TP63: variants seen among roughly 807,000 people sequenced by gnomAD.
TP63 encodes tumor protein p63.
A neutral mutation model predicts 82.8 loss-of-function variants in TP63; 17 were observed. The observed-to-expected ratio is 0.21, with a 90% confidence interval of 0.14 to 0.31. The LOEUF (loss-of-function observed/expected upper bound fraction) is 0.31. Among genes scored for constraint, TP63 ranks in the 10% least tolerant of loss-of-function variants. The pLI, the probability that TP63 is intolerant of heterozygous loss-of-function variation, is 1.00. For missense variants in TP63, 648 were observed against 895.3 expected, an observed-to-expected ratio of 0.72 and a Z score of 3.52; for synonymous variants, 330 against 321.7, an observed-to-expected ratio of 1.03 and a Z score of -0.28.
intron 4 of TP63, among the ~76,000 whole-genome samples, chr3:189,815,127 T>C (rs1232536354): frequency 6.6e-6 from 1 of 152,162 alleles, no homozygotes; most frequent in Non-Finnish European, 1.5e-5. Flanking sequence ...TCATTTATGT[T>C]ATTATTGTTA....
intron 4 of TP63, among the ~76,000 whole-genome samples, chr3:189,840,362 T>A (rs1334425095): frequency 1.1e-5 from 1 of 92,954 alleles, no homozygotes; most frequent in Non-Finnish European, 2.2e-5. Context: ...TTTTCGTCTT[T>A]TTTTTTTTTT....
intron 3 of TP63, among the ~76,000 whole-genome samples, chr3:189,773,025 A>G (rs1723493147): frequency 6.6e-6 from 1 of 152,196 alleles, no homozygotes; most frequent in Admixed American, 6.5e-5. Flanking sequence ...TCCATAATCA[A>G]TAAATCAGCG....
intron 10 of TP63, among the ~76,000 whole-genome samples, chr3:189,876,613 G>A (rs2108830870): frequency 6.6e-6 from 1 of 152,194 alleles, no homozygotes; most frequent in East Asian, 1.9e-4. Flanking sequence ...CTAACAGACT[G>A]CAAAATTAAA....
At chr3:189,757,874 GA>G (rs916774720) in intron 3 of TP63, among the ~76,000 whole-genome samples, 2 of 151,786 alleles carry the variant, frequency 1.3e-5, no homozygotes, top group African/African-American at 4.8e-5. Context: ...CCGATAGATA[GA>G]AAAAAAACCT....
intron 4 of TP63, among the ~76,000 whole-genome samples, chr3:189,835,207 G>A (rs557698945): frequency 1.3e-5 from 2 of 152,174 alleles, no homozygotes; most frequent in East Asian, 1.9e-4. Flanking sequence ...ACTAGATGGA[G>A]GGTCTAGTTA....
chr3:189,817,397 C>T (rs1728304956), intron 4 of TP63, among the ~76,000 whole-genome samples: 1 of 152,082 alleles, frequency 6.6e-6, no homozygotes, highest in Non-Finnish European at 1.5e-5. Flanking sequence ...AGAAGGACAA[C>T]TTTGGGGTAC....
chr3:189,738,987 T>G, intron 3 of TP63: 1 of 638,440 alleles, frequency 1.6e-6, no homozygotes, highest in East Asian at 2.9e-5. Context: ...TTTCCATCCG[T>G]GTGGGGAGGG....
intron 1 of TP63, among the ~76,000 whole-genome samples, chr3:189,704,135 A>G (rs1167501357): frequency 1.3e-5 from 2 of 152,218 alleles, no homozygotes. Context: ...CCTGCGCAAT[A>G]GGCTAGATGA....
intron 12 of TP63, 22 bp downstream of exon 12, chr3:189,889,506 C>T (rs1211169032): frequency 6.2e-7 from 1 of 1,614,180 alleles, no homozygotes; most frequent in South Asian, 1.1e-5. Context: ...GCATGTGCCC[C>T]TGGGGGCCTG....
At chr3:189,612,916 C>T in the TP63 span, among the ~76,000 whole-genome samples, 1 of 152,142 alleles carries the variant, frequency 6.6e-6, no homozygotes, top group African/African-American at 2.4e-5. Context: ...GGGTATTTGG[C>T]AGAAGAAATT....
intron 1 of TP63, among the ~76,000 whole-genome samples, chr3:189,717,165 C>T (rs184759203): frequency 5.3e-5 from 8 of 152,208 alleles, no homozygotes; most frequent in Middle Eastern, 3.4e-3. Flanking sequence ...TACACGTATA[C>T]GAACTAAACA....
At chr3:189,873,023 A>C in intron 10 of TP63, 28 bp downstream of exon 10, 1 of 1,614,100 alleles carries the variant, frequency 6.2e-7, no homozygotes. Flanking sequence ...TCATTTTAGG[A>C]GGCATGAGTG....
At chr3:189,819,400 T>C (rs930358251) in intron 4 of TP63, among the ~76,000 whole-genome samples, 8 of 152,150 alleles carry the variant, frequency 5.3e-5, no homozygotes, top group Admixed American at 4.6e-4. Context: ...CCCATTAACT[T>C]GTCATTTAGC....
At chr3:189,675,208 C>G (rs1715283201) in intron 1 of TP63, among the ~76,000 whole-genome samples, 1 of 152,078 alleles carries the variant, frequency 6.6e-6, no homozygotes, top group Admixed American at 6.6e-5. Context: ...CATGAGAGCT[C>G]TGCCTTCATT....
At chr3:189,869,244 TTTAA>T (rs1174558167) in intron 8 of TP63, 76 bp from the exon 9 acceptor site, 1 of 1,038,174 alleles carries the variant, frequency 9.6e-7, no homozygotes, top group Non-Finnish European at 1.5e-6. Context: ...AACATTAATA[TTTAA>T]TTATTAAGTA....
At chr3:189,738,388 C>T (rs1279694644) in intron 2 of TP63, among the ~76,000 whole-genome samples, 1 of 152,178 alleles carries the variant, frequency 6.6e-6, no homozygotes, top group Non-Finnish European at 1.5e-5. Context: ...TTATTTCCTG[C>T]ATCCTACCCA....
At chr3:189,706,909 A>G (rs1718245394) in intron 1 of TP63, among the ~76,000 whole-genome samples, 1 of 151,970 alleles carries the variant, frequency 6.6e-6, no homozygotes, top group Admixed American at 6.5e-5. Flanking sequence ...AATCTTCAGC[A>G]TTTTATACAA....
chr3:189,793,539 A>G (rs186378013), intron 3 of TP63, among the ~76,000 whole-genome samples: 150 of 152,206 alleles, frequency 9.9e-4, no homozygotes, highest in African/African-American at 3.5e-3. Context: ...GATTTGGATC[A>G]AACAGTTGAG....
chr3:189,697,283 G>T (rs1577259010), intron 1 of TP63, among the ~76,000 whole-genome samples: 11 of 101,150 alleles, frequency 1.1e-4, no homozygotes, highest in South Asian at 3.0e-4. Context: ...AGCACCATTT[G>T]TTTGAAAAAA....
Sources: allele counts gnomAD v4.1 joint callset (sites outside exome capture counted in the v4.1 genomes callset), GRCh38; gene constraint gnomAD v4.1.1; transcripts MANE v1.5; gene names NCBI Gene and HGNC (gene_info 2026-07-23, HGNC 2026-07-21).